LSAMP: variants seen among roughly 807,000 people sequenced by gnomAD.
The protein encoded by LSAMP is limbic system-associated membrane protein.
LSAMP carries 7 observed loss-of-function variants against 38.6 expected under a neutral mutation model. The observed-to-expected ratio is 0.18, with a 90% CI of 0.10 to 0.34. The LOEUF is 0.34. LSAMP is among the 10% of genes least tolerant of loss of function. The pLI, the probability that LSAMP is intolerant of heterozygous loss-of-function variation, is 1.00. For missense variants in LSAMP, 313 were observed against 420.0 expected (o/e 0.75, Z 2.23); for synonymous variants, 154 against 166.8 (o/e 0.92, Z 0.59).
rs1559830650 is a variant in LSAMP at position 115,810,275 on chromosome 3, A to G, written c.*42T>C. 1.5e-6 allele frequency: 2 copies of G among 1,353,142 alleles called. No individual in the cohort carries two copies. The highest frequency in any genetic ancestry group is 2.6e-5 in the South Asian group (2 of 78,028). 83.8% of individuals were successfully genotyped at this position (1,353,142 alleles called of 1,614,324 possible). A position where few individuals can be genotyped will look rare whatever the true frequency, so the allele number is the denominator to read the frequency against. ...TCTCTCTCTGTATTCTGTGTGACGC[A>G]TTTTTGTGTGTTTTTTAAATTATTT... is the stretch of plus-strand genomic sequence containing the variant. On this transcript the variant is annotated 3_prime_UTR_variant, in exon 7 of 7. Transcript: ENST00000490035.
intron 1 of LSAMP, among the ~76,000 whole-genome samples, chr3:116,186,099 A>G (rs1269071770): frequency 6.6e-6 from 1 of 152,140 alleles, no homozygotes; most frequent in Admixed American, 6.5e-5. Context: ...GACAGCATCA[A>G]AGAAGTGAAG....
intron 1 of LSAMP, among the ~76,000 whole-genome samples, chr3:116,399,508 G>A (rs1050793316): frequency 6.6e-6 from 1 of 152,154 alleles, no homozygotes; most frequent in South Asian, 2.1e-4. Flanking sequence ...AGAGAGGAAC[G>A]GTGATGCTGC....
chr3:115,944,194 G>C (rs1304833272), intron 3 of LSAMP, among the ~76,000 whole-genome samples: 1 of 152,170 alleles, frequency 6.6e-6, no homozygotes. Flanking sequence ...ACTCTTCTCA[G>C]TAGGAATGTC....
At chr3:116,144,755 T>C (rs1176367925) in intron 1 of LSAMP, among the ~76,000 whole-genome samples, 1 of 151,982 alleles carries the variant, frequency 6.6e-6, no homozygotes, top group Non-Finnish European at 1.5e-5. Flanking sequence ...TTTTGTTTTT[T>C]ATTACATCTT....
At chr3:115,938,955 G>A (rs1329349928) in intron 3 of LSAMP, among the ~76,000 whole-genome samples, 1 of 152,104 alleles carries the variant, frequency 6.6e-6, no homozygotes, top group Non-Finnish European at 1.5e-5. Context: ...TCAGTTTATT[G>A]TAACAATAAA....
chr3:116,403,217 A>C (rs1303653728), intron 1 of LSAMP, among the ~76,000 whole-genome samples: 1 of 152,220 alleles, frequency 6.6e-6, no homozygotes, highest in Non-Finnish European at 1.5e-5. Context: ...CTTGGACAAT[A>C]AACTAATGCT....
intron 1 of LSAMP, among the ~76,000 whole-genome samples, chr3:116,353,879 A>G (rs1201465228): frequency 6.6e-6 from 1 of 152,132 alleles, no homozygotes; most frequent in Non-Finnish European, 1.5e-5. Flanking sequence ...TAATGATTCA[A>G]TTAAAATAAA....
chr3:116,408,112 T>C (rs1004177621), intron 1 of LSAMP, among the ~76,000 whole-genome samples: 1 of 152,038 alleles, frequency 6.6e-6, no homozygotes, highest in African/African-American at 2.4e-5. Flanking sequence ...GAGGAGATTG[T>C]AAAGAAAGAT....
chr3:116,101,862 T>C (rs979026898), intron 1 of LSAMP, among the ~76,000 whole-genome samples: 2 of 152,160 alleles, frequency 1.3e-5, no homozygotes, highest in South Asian at 4.1e-4. Context: ...TTTGTTAGTG[T>C]CTCTTGACTT....
chr3:116,010,030 C>T (rs1414405373), intron 3 of LSAMP, among the ~76,000 whole-genome samples: 2 of 152,084 alleles, frequency 1.3e-5, no homozygotes, highest in African/African-American at 4.8e-5. Flanking sequence ...AATTTTCTTG[C>T]CTCAGCCTCC....
At position 116,038,951 on chromosome 3, in the gene LSAMP, T is replaced by G. The variant is rs111268019; in HGVS notation, c.389-19311A>C. 1.0e-3 allele frequency among the ~76,000 whole-genome samples: 152 copies of G among 152,314 alleles called. 1 individual carries two copies. The highest frequency in any genetic ancestry group is 3.0e-3 in the African/African-American group (126 of 41,570). On this transcript the variant is annotated intron_variant, in intron 2 of 6. Coordinates refer to ENST00000490035, the MANE Select transcript of LSAMP (RefSeq NM_002338.5). ...TAGAATACTTTGCATAGCATTTACT[T>G]CAGGTTTTCATGAGAGAGGGAGGAT...
chr3:116,387,439 G>C (rs146120001), intron 1 of LSAMP, among the ~76,000 whole-genome samples: 3,851 of 152,202 alleles, frequency 0.025, 164 homozygotes, highest in African/African-American at 0.084. Flanking sequence ...AGTTGACAGG[G>C]TAAATGAGTT....
At chr3:115,946,864 A>G (rs1466316166) in intron 3 of LSAMP, among the ~76,000 whole-genome samples, 3 of 152,144 alleles carry the variant, frequency 2.0e-5, no homozygotes, top group Non-Finnish European at 2.9e-5. Flanking sequence ...CATTTCTTTT[A>G]TAAATGAAGA....
intron 1 of LSAMP, among the ~76,000 whole-genome samples, chr3:116,345,983 G>A (rs981339141): frequency 6.6e-6 from 1 of 152,172 alleles, no homozygotes; most frequent in African/African-American, 2.4e-5. Context: ...TAAATACGGT[G>A]TGCCATGCAC....
At chr3:116,299,163 A>C (rs1364460029) in intron 1 of LSAMP, among the ~76,000 whole-genome samples, 1 of 152,200 alleles carries the variant, frequency 6.6e-6, no homozygotes, top group Non-Finnish European at 1.5e-5. Context: ...GACCACCCAC[A>C]AGACCTTGAA....
intron 2 of LSAMP, among the ~76,000 whole-genome samples, chr3:116,059,175 C>T (rs1941547756): frequency 6.6e-6 from 1 of 152,136 alleles, no homozygotes; most frequent in Non-Finnish European, 1.5e-5. Flanking sequence ...GCTGAAATTA[C>T]AAATGATTTA....
At chr3:116,311,886 G>T (rs2047562227) in intron 1 of LSAMP, among the ~76,000 whole-genome samples, 1 of 152,142 alleles carries the variant, frequency 6.6e-6, no homozygotes, top group African/African-American at 2.4e-5. Context: ...AACTAAGAAA[G>T]AAACTACATC....
intron 2 of LSAMP, among the ~76,000 whole-genome samples, chr3:116,047,400 CA>C (rs1265930978): frequency 5.6e-5 from 8 of 141,876 alleles, no homozygotes; most frequent in East Asian, 2.1e-4. Context: ...ACAAAACAAA[CA>C]AAAAAAAACT....
intron 1 of LSAMP, among the ~76,000 whole-genome samples, chr3:116,391,548 C>T (rs949081677): frequency 4.0e-5 from 6 of 151,796 alleles, no homozygotes; most frequent in Non-Finnish European, 8.8e-5. Context: ...GGGTCGCTCA[C>T]TAGCGGGGGA....
Sources: allele counts gnomAD v4.1 joint callset (sites outside exome capture counted in the v4.1 genomes callset), GRCh38; gene constraint gnomAD v4.1.1; transcripts MANE v1.5; gene names NCBI Gene and HGNC (gene_info 2026-07-23, HGNC 2026-07-21).